SRPK2: variants seen among roughly 807,000 people sequenced by gnomAD.
SRPK2 encodes the protein SRSF protein kinase 2, also known as SFRS protein kinase 2.
In SRPK2, 21 loss-of-function variants were observed where a neutral mutation model predicts 90.8. The ratio of observed to expected loss-of-function variants is 0.23; its 90% CI spans 0.16 to 0.33. SRPK2 has a LOEUF of 0.33. Ranked by LOEUF, SRPK2 falls within the 10% of genes least tolerant of loss-of-function variation. SRPK2 has a pLI of 1.00. For missense variants in SRPK2, 620 were observed against 869.0 expected (o/e 0.71, Z 3.60); for synonymous variants, 288 against 311.1 (o/e 0.93, Z 0.78).
intron 2 of SRPK2, among the ~76,000 whole-genome samples, chr7:105,286,953 T>C (rs1349368162): frequency 6.6e-6 from 1 of 152,072 alleles, no homozygotes; most frequent in East Asian, 1.9e-4. Flanking sequence ...GGTACATTCA[T>C]AATATACAGC....
intron 2 of SRPK2, among the ~76,000 whole-genome samples, chr7:105,298,501 C>A (rs1810137390): frequency 1.3e-5 from 2 of 151,892 alleles, no homozygotes; most frequent in Non-Finnish European, 2.9e-5. Flanking sequence ...AGGTAAATAC[C>A]CAGGAGTAGG....
chr7:105,181,273 G>A (rs903902052), intron 3 of SRPK2, among the ~76,000 whole-genome samples: 12 of 152,322 alleles, frequency 7.9e-5, no homozygotes, highest in African/African-American at 2.9e-4. Context: ...AGGTGGGAGT[G>A]TAAATTAGTT....
chr7:105,153,684 T>A (rs1806084388), intron 7 of SRPK2, among the ~76,000 whole-genome samples: 1 of 152,064 alleles, frequency 6.6e-6, no homozygotes, highest in South Asian at 2.1e-4. Context: ...ACTTTCTTCC[T>A]CCCACACCTG....
At chr7:105,284,520 A>G (rs931977965) in intron 2 of SRPK2, among the ~76,000 whole-genome samples, 5 of 152,208 alleles carry the variant, frequency 3.3e-5, no homozygotes, top group African/African-American at 1.2e-4. Context: ...TTAAAGATTC[A>G]ACAGGTGATT....
At chr7:105,204,731 G>C (rs890307598) in intron 2 of SRPK2, 1 of 704,946 alleles carries the variant, frequency 1.4e-6, no homozygotes, top group Non-Finnish European at 2.4e-6. Context: ...CAAACATATT[G>C]TGGTCTGGTT....
chr7:105,209,752 GGA>G (rs1427124075), intron 2 of SRPK2, among the ~76,000 whole-genome samples: 2 of 150,714 alleles, frequency 1.3e-5, no homozygotes, highest in Non-Finnish European at 3.0e-5. Context: ...AAAGAGGGGA[GGA>G]GAGAAAAAAG....
chr7:105,128,113 T>C (rs1311605662), intron 13 of SRPK2, among the ~76,000 whole-genome samples: 1 of 152,138 alleles, frequency 6.6e-6, no homozygotes, highest in Non-Finnish European at 1.5e-5. Flanking sequence ...CCTGGCACTG[T>C]CTTTAACAAA....
intron 2 of SRPK2, among the ~76,000 whole-genome samples, chr7:105,375,156 G>C (rs1378167349): frequency 6.6e-6 from 1 of 151,822 alleles, no homozygotes; most frequent in Admixed American, 6.6e-5. Flanking sequence ...TTTAAAACCT[G>C]GAAAAAATTT....
chr7:105,203,518 A>T, intron 3 of SRPK2, 110 bp downstream of exon 3: 2 of 1,253,616 alleles, frequency 1.6e-6, no homozygotes, highest in Non-Finnish European at 2.1e-6. Flanking sequence ...AATTTAATGA[A>T]GACCAAGCAA....
chr7:105,151,354 T>C (rs1182477042), intron 7 of SRPK2, among the ~76,000 whole-genome samples: 1 of 152,184 alleles, frequency 6.6e-6, no homozygotes, highest in Non-Finnish European at 1.5e-5. Flanking sequence ...GCTTTCATTC[T>C]CATCTATGGG....
At chr7:105,243,404 A>G (rs951291359) in intron 2 of SRPK2, among the ~76,000 whole-genome samples, 2 of 152,280 alleles carry the variant, frequency 1.3e-5, no homozygotes, top group East Asian at 3.9e-4. Context: ...TTAAAATCCT[A>G]AAGTCATTTG....
chr7:105,123,837 C>T (rs1031385669), intron 15 of SRPK2, among the ~76,000 whole-genome samples: 12 of 152,164 alleles, frequency 7.9e-5, no homozygotes. Flanking sequence ...CTCACCTAGT[C>T]ACAAACGGTC....
chr7:105,252,859 T>G (rs1469730648), intron 2 of SRPK2, among the ~76,000 whole-genome samples: 1 of 151,398 alleles, frequency 6.6e-6, no homozygotes, highest in Admixed American at 6.6e-5. Context: ...TTCTCATGCC[T>G]CAGCCTCCCG....
chr7:105,298,980 T>A (rs905630803), intron 2 of SRPK2, among the ~76,000 whole-genome samples: 8 of 152,196 alleles, frequency 5.3e-5, no homozygotes, highest in African/African-American at 1.7e-4. Flanking sequence ...CCACCATGAA[T>A]GCCCTCTACG....
Position 105,331,125 on chromosome 7 carries a change from A to T in SRPK2, c.71+57523T>A, listed in dbSNP as rs117300209. Reference sequence around the variant, plus strand: ...GACAACAGCCTGACCATCATGGTGAAACCCCATCTCTACCAAAAATATTTT... The same window carrying T: ...GACAACAGCCTGACCATCATGGTGATACCCCATCTCTACCAAAAATATTTT... On this transcript the variant is annotated intron_variant, in intron 2 of 15. Transcript: ENST00000393651. Among the ~76,000 whole-genome samples the T allele has an allele frequency of 5.1e-3, 773 of 152,102 alleles. 11 individuals carry two copies. In the East Asian group the frequency reaches 0.055, roughly 11 times the overall value.
chr7:105,244,644 C>T lies in SRPK2; in HGVS notation c.72-40859G>A, dbSNP rs1458088658. ...GCGCGCCAGGGCCGCCTTTGGAGAG[C>T]AGCAGCCCTGGCTCTGCGCTACCCT... On this transcript the variant is annotated intron_variant, in intron 2 of 15. Coordinates refer to ENST00000393651, the MANE Select transcript of SRPK2 (RefSeq NM_182692.3). The T allele has an allele frequency of 6.3e-5, 50 of 798,504 alleles. No homozygotes were observed. In the South Asian group the frequency reaches 6.5e-4, roughly 10 times the overall value. The allele number at this position is 798,504 out of a possible 1,614,324, so 49.5% of individuals were successfully genotyped here.
chr7:105,149,240 G>A lies in SRPK2; in HGVS notation c.622-2582C>T, dbSNP rs371535847. On this transcript the variant is annotated intron_variant, in intron 7 of 15. Transcript: ENST00000393651. ...TCAATTCTCAGATGAGAGAAAAACC[G>A]CCCTATGGTGGGAGGTGAGACATGT... Among the ~76,000 whole-genome samples the A allele has an allele frequency of 2.6e-4, 39 of 152,292 alleles. No homozygotes were observed. In the East Asian group the frequency reaches 6.8e-3, roughly 26 times the overall value.
intron 15 of SRPK2, chr7:105,125,983 A>G (rs759626119): frequency 2.2e-5 from 15 of 669,728 alleles, no homozygotes; most frequent in Non-Finnish European, 2.9e-5. Context: ...GCGCAACTTG[A>G]ATGACCAAAA....
intron 2 of SRPK2, among the ~76,000 whole-genome samples, chr7:105,208,159 T>C (rs1796431810): frequency 6.6e-6 from 1 of 152,170 alleles, no homozygotes; most frequent in African/African-American, 2.4e-5. Flanking sequence ...TAAGGAAGGA[T>C]GAAGAAATAA....
Sources: gnomAD v4.1 joint callset for allele counts (sites outside exome capture counted in the v4.1 genomes callset) on GRCh38, gnomAD v4.1.1 for gene constraint, MANE v1.5 for transcripts, NCBI Gene and HGNC (gene_info 2026-07-23, HGNC 2026-07-21) for gene names.